ANXA3: variants seen among roughly 807,000 people sequenced by gnomAD.
ANXA3 encodes 35-alpha calcimedin.
A neutral mutation model predicts 48.8 loss-of-function variants in ANXA3; 46 were observed. The observed-to-expected ratio is 0.94, with a 90% CI of 0.74 to 1.21. The LOEUF is 1.21. ANXA3 is among the 50% of genes most tolerant of loss of function. ANXA3 has a pLI of 0.00. For synonymous variants in ANXA3, 128 were observed against 134.7 expected, an observed-to-expected ratio of 0.95 and a Z score of 0.35; for missense variants, 383 against 378.6, an observed-to-expected ratio of 1.01 and a Z score of -0.10.
intron 2 of ANXA3, among the ~76,000 whole-genome samples, chr4:78,563,148 C>T (rs553186255): frequency 3.0e-4 from 45 of 152,244 alleles, no homozygotes; most frequent in East Asian, 1.5e-3. Flanking sequence ...TTGGGATTAT[C>T]GCTTTTTAAA....
intron 2 of ANXA3, among the ~76,000 whole-genome samples, chr4:78,558,817 A>G (rs1203538278): frequency 6.6e-6 from 1 of 152,148 alleles, no homozygotes; most frequent in Non-Finnish European, 1.5e-5. Flanking sequence ...CCCTTGTCAT[A>G]TGTTGCCTGT....
intron 4 of ANXA3, among the ~76,000 whole-genome samples, chr4:78,581,220 G>T (rs925031328): frequency 1.3e-5 from 2 of 152,204 alleles, no homozygotes; most frequent in African/African-American, 4.8e-5. Flanking sequence ...CGTTTCAGCA[G>T]GCTCAGAGGC....
At chr4:78,572,904 A>G (rs1459872179) in intron 2 of ANXA3, among the ~76,000 whole-genome samples, 7 of 152,196 alleles carry the variant, frequency 4.6e-5, no homozygotes, top group African/African-American at 1.4e-4. Flanking sequence ...TTTAAACTAT[A>G]AACTAAATTC....
At chr4:78,592,906 T>C (rs1723329645) in intron 7 of ANXA3, among the ~76,000 whole-genome samples, 1 of 152,100 alleles carries the variant, frequency 6.6e-6, no homozygotes, top group African/African-American at 2.4e-5. Context: ...CAGCAGGGTA[T>C]CAGCAGCACA....
intron 10 of ANXA3, among the ~76,000 whole-genome samples, chr4:78,598,625 C>A (rs575495319): frequency 6.6e-6 from 1 of 152,020 alleles, no homozygotes; most frequent in African/African-American, 2.4e-5. Flanking sequence ...CTGCAACCTC[C>A]GCCTTCCAGG....
chr4:78,557,569 T>C (rs1722542202), intron 2 of ANXA3, among the ~76,000 whole-genome samples: 1 of 152,036 alleles, frequency 6.6e-6, no homozygotes, highest in Admixed American at 6.5e-5. Flanking sequence ...TGGCATCAGA[T>C]AGCAGGAAAG....
rs552242723 is a variant in ANXA3 at position 78,603,112 on chromosome 4, C to G, written c.790-1165C>G. On this transcript the variant is annotated intron_variant, in intron 11 of 12. Coordinates refer to ENST00000264908, the MANE Select transcript of ANXA3 (RefSeq NM_005139.3). ...ATGCCATTTCCAGCTTTCTTTTCTT[C>G]ATATTTCTGATCACTATTTACTTAA... The G allele has an allele frequency of 3.9e-5, 6 of 152,372 alleles. No homozygotes were observed. In the East Asian group the frequency reaches 1.2e-3, roughly 29 times the overall value. The allele number at this position is 152,372 out of a possible 1,614,324, so 9.4% of individuals were successfully genotyped here.
At chr4:78,552,551 A>T (rs1479270983) in intron 1 of ANXA3, among the ~76,000 whole-genome samples, 2 of 151,158 alleles carry the variant, frequency 1.3e-5, no homozygotes, top group African/African-American at 4.8e-5. Context: ...CAGGTGGAAG[A>T]TTTGGATACT....
At chr4:78,582,128 AAG>A (rs1578397781) in intron 4 of ANXA3, 47 bp from the exon 5 acceptor site, 1 of 1,293,582 alleles carries the variant, frequency 7.7e-7, no homozygotes, top group South Asian at 1.2e-5. Context: ...ACTTTAGAGA[AAG>A]AGAAAAAAAG....
intron 2 of ANXA3, 86 bp from the exon 3 acceptor site, chr4:78,573,094 C>T: frequency 1.0e-6 from 1 of 993,986 alleles, no homozygotes; most frequent in South Asian, 1.3e-5. Context: ...TGTCATATGC[C>T]TCTCATATGC....
Position 78,586,142 on chromosome 4 carries a change from C to G in ANXA3, c.313-118C>G, listed in dbSNP as rs1468182563. 2.7e-5 allele frequency: 16 copies of G among 594,870 alleles called. No individual in the cohort carries two copies. In the South Asian group the frequency reaches 4.3e-4, roughly 16 times the overall value. The allele number at this position is 594,870 out of a possible 1,614,324, so 36.8% of individuals were successfully genotyped here. A position where few individuals can be genotyped will look rare whatever the true frequency, so the allele number is the denominator to read the frequency against. On this transcript the variant is annotated intron_variant, in intron 5 of 12. Transcript: ENST00000264908. ...ATAGAAAACGAGAGCAATAGAGAAC[C>G]TTGTATTGATTTACTTAAAAGTGTC...
intron 10 of ANXA3, among the ~76,000 whole-genome samples, chr4:78,600,725 T>C (rs1036083029): frequency 5.3e-5 from 8 of 152,206 alleles, no homozygotes; most frequent in Non-Finnish European, 1.2e-4. Context: ...ATAAAATCCA[T>C]TCACTTTTGG....
At chr4:78,589,372 C>T (rs1013079866) in intron 6 of ANXA3, among the ~76,000 whole-genome samples, 1 of 152,190 alleles carries the variant, frequency 6.6e-6, no homozygotes, top group East Asian at 1.9e-4. Context: ...ATTAATGATA[C>T]ACAAGAAGAT....
At chr4:78,573,439 A>G (rs1402546961) in intron 3 of ANXA3, among the ~76,000 whole-genome samples, 172 bp downstream of exon 3, 1 of 152,220 alleles carries the variant, frequency 6.6e-6, no homozygotes, top group East Asian at 1.9e-4. Context: ...ATTAAATCTT[A>G]ACATTTATCA....
At chr4:78,605,696 C>G (rs1250742574) in intron 12 of ANXA3, among the ~76,000 whole-genome samples, 1 of 152,168 alleles carries the variant, frequency 6.6e-6, no homozygotes, top group Non-Finnish European at 1.5e-5. Context: ...AAAATGGGCT[C>G]CTTCCTTTCT....
chr4:78,563,547 C>T (rs1364783805), intron 2 of ANXA3, among the ~76,000 whole-genome samples: 1 of 152,088 alleles, frequency 6.6e-6, no homozygotes, highest in Admixed American at 6.6e-5. Flanking sequence ...CATGTGAGAA[C>T]ACAGCCAGAA....
intron 12 of ANXA3, among the ~76,000 whole-genome samples, chr4:78,608,301 C>T (rs900290011): frequency 2.6e-5 from 4 of 151,824 alleles, no homozygotes; most frequent in African/African-American, 9.7e-5. Flanking sequence ...ATTAATAAGG[C>T]AAAATGTATG....
intron 2 of ANXA3, among the ~76,000 whole-genome samples, chr4:78,559,409 A>G (rs1406678694): frequency 2.0e-5 from 3 of 152,140 alleles, no homozygotes; most frequent in Non-Finnish European, 4.4e-5. Flanking sequence ...AAATTAACTC[A>G]CAATCATTGT....
chr4:78,582,140 G>A lies in ANXA3; in HGVS notation c.199-37G>A, dbSNP rs769120658. The A allele has an allele frequency of 2.1e-6, 3 of 1,402,120 alleles. No homozygotes were observed. In the South Asian group the frequency reaches 3.5e-5, roughly 17 times the overall value. The allele number at this position is 1,402,120 out of a possible 1,614,324, so 86.9% of individuals were successfully genotyped here. Reference sequence around the variant, plus strand: ...GTGACTTTAGAGAAAGAGAAAAAAAGTATTTCACATTTTTCCCCTTGGTTT... The same window carrying A: ...GTGACTTTAGAGAAAGAGAAAAAAAATATTTCACATTTTTCCCCTTGGTTT... On this transcript the variant is annotated intron_variant, in intron 4 of 12. Coordinates refer to ENST00000264908, the MANE Select transcript of ANXA3 (RefSeq NM_005139.3).
Sources: gnomAD v4.1 joint callset for allele counts (sites outside exome capture counted in the v4.1 genomes callset) on GRCh38, gnomAD v4.1.1 for gene constraint, MANE v1.5 for transcripts, NCBI Gene and HGNC (gene_info 2026-07-23, HGNC 2026-07-21) for gene names.